The following PALLD variants were observed in gnomAD, a reference collection of about 807,000 sequenced individuals.
PALLD encodes the protein palladin, cytoskeletal associated protein.
In PALLD, 61 loss-of-function variants were observed where a neutral mutation model predicts 123.5. The ratio of observed to expected loss-of-function variants is 0.49; its 90% CI spans 0.40 to 0.61. The LOEUF (loss-of-function observed/expected upper bound fraction) is 0.61, where lower values mean the gene tolerates loss of function less well. PALLD is among the 20% of genes least tolerant of loss of function. The pLI is 0.00. For synonymous variants in PALLD, 465 were observed against 496.4 expected (o/e 0.94, Z 0.84); for missense variants, 1,273 against 1,377.0 (o/e 0.92, Z 1.20).
intron 10 of PALLD, among the ~76,000 whole-genome samples, chr4:168,858,771 G>T (rs1179214092): frequency 6.8e-6 from 1 of 148,004 alleles, no homozygotes; most frequent in Non-Finnish European, 1.5e-5. Context: ...AACAGAATGA[G>T]ACCCAGTCTC....
rs529400789 is a variant in PALLD, at chr4:168,690,982, T to A, written c.1477+238T>A. ...TGCATATATACATTTGTACTCAAAT[T>A]TGCATGAATAATTTTAGGAGGTTTA... On this transcript the variant is annotated intron_variant, in intron 7 of 21. Transcript: ENST00000505667. Among the ~76,000 whole-genome samples the A allele has an allele frequency of 3.9e-5, 6 of 152,300 alleles. No individual in the cohort carries two copies. The East Asian group carries it at 7.7e-4, about 20-fold the overall frequency.
rs1259871037 is a variant in PALLD, at chr4:168,926,196, A to G, written c.*33-17A>G. 1 of 1,499,628 alleles carries G rather than the reference A, an allele frequency of 6.7e-7. No individual in the cohort carries two copies. The allele number at this position is 1,499,628 out of a possible 1,614,324, so 92.9% of individuals were successfully genotyped here. A position where few individuals can be genotyped will look rare whatever the true frequency, so the allele number is the denominator to read the frequency against. ...ATATCTTGATTAAAAATCTTAATTT[A>G]CTCTTTTTCTTTGTAGCCCAGTGGC... On this transcript the variant is annotated splice_polypyrimidine_tract_variant and intron_variant, in intron 21 of 21. Transcript: ENST00000505667.
At chr4:168,713,603 C>T (rs981017610) in intron 10 of PALLD, among the ~76,000 whole-genome samples, 2 of 152,168 alleles carry the variant, frequency 1.3e-5, no homozygotes, top group African/African-American at 4.8e-5. Context: ...TTTAGCTCTG[C>T]TTTGCAGCCA....
chr4:168,668,795 C>G (rs1431018252), intron 3 of PALLD, among the ~76,000 whole-genome samples: 1 of 152,074 alleles, frequency 6.6e-6, no homozygotes, highest in Non-Finnish European at 1.5e-5. Context: ...AGAATTTTGT[C>G]TCTTTTGTTA....
At chr4:168,556,242 C>T (rs1284447581) in intron 2 of PALLD, among the ~76,000 whole-genome samples, 1 of 151,998 alleles carries the variant, frequency 6.6e-6, no homozygotes, top group Non-Finnish European at 1.5e-5. Context: ...ACTACAGGTG[C>T]CCACCACCAC....
chr4:168,660,115 A>G (rs1778985541), intron 2 of PALLD, among the ~76,000 whole-genome samples: 1 of 152,230 alleles, frequency 6.6e-6, no homozygotes, highest in Admixed American at 6.5e-5. Context: ...CAGCTCCAGT[A>G]TACAGTTCAG....
At chr4:168,798,338 G>A (rs934473841) in intron 10 of PALLD, among the ~76,000 whole-genome samples, 12 of 152,032 alleles carry the variant, frequency 7.9e-5, no homozygotes, top group African/African-American at 2.9e-4. Flanking sequence ...AAAATAAAGG[G>A]TTTTTTGTTT....
At chr4:168,552,789 C>T (rs577054635) in intron 2 of PALLD, among the ~76,000 whole-genome samples, 2 of 152,202 alleles carry the variant, frequency 1.3e-5, no homozygotes, top group East Asian at 1.9e-4. Context: ...GATTGTCCTG[C>T]CTCAGCCTCC....
chr4:168,603,869 C>T (rs926090554), intron 2 of PALLD, among the ~76,000 whole-genome samples: 7 of 152,160 alleles, frequency 4.6e-5, no homozygotes, highest in African/African-American at 1.4e-4. Context: ...TAAAAAATTG[C>T]AGACATCTCA....
intron 10 of PALLD, among the ~76,000 whole-genome samples, chr4:168,820,947 AGG>A (rs1742628998): frequency 6.6e-6 from 1 of 152,196 alleles, no homozygotes; most frequent in Admixed American, 6.5e-5. Context: ...TTATTAAGTG[AGG>A]ATCGCAATAA....
chr4:168,924,855 G>T, intron 19 of PALLD, 90 bp from the exon 20 acceptor site: 2 of 1,309,696 alleles, frequency 1.5e-6, no homozygotes, highest in Non-Finnish European at 2.2e-6. Flanking sequence ...GCACAATTCT[G>T]TTTCTAATGA....
chr4:168,684,593 G>T (rs1053937358), intron 5 of PALLD, among the ~76,000 whole-genome samples: 4 of 152,098 alleles, frequency 2.6e-5, no homozygotes, highest in African/African-American at 9.7e-5. Flanking sequence ...ATGACACTTG[G>T]AACAGTCCCT....
intron 1 of PALLD, chr4:168,505,961 A>C (rs964080326): frequency 6.6e-6 from 1 of 152,232 alleles, no homozygotes; most frequent in Non-Finnish European, 1.5e-5. Flanking sequence ...TCAAAAAAAC[A>C]AAGACAATCT....
At chr4:168,544,588 T>G (rs747175569) in intron 2 of PALLD, among the ~76,000 whole-genome samples, 1 of 152,380 alleles carries the variant, frequency 6.6e-6, no homozygotes, top group South Asian at 2.1e-4. Flanking sequence ...ATTATATGAC[T>G]TTTAAAAATC....
chr4:168,890,330 A>G (rs1309103777), intron 10 of PALLD, among the ~76,000 whole-genome samples: 2 of 152,202 alleles, frequency 1.3e-5, no homozygotes, highest in Non-Finnish European at 2.9e-5. Flanking sequence ...GCCCTCTTGT[A>G]TAAAATAGAC....
chr4:168,631,522 A>G, intron 2 of PALLD: 1 of 726,360 alleles, frequency 1.4e-6, no homozygotes, highest in Non-Finnish European at 1.7e-6. Context: ...GGAGTTTAGC[A>G]GCATTCCTCC....
chr4:168,786,349 AT>A (rs894900809), intron 10 of PALLD, among the ~76,000 whole-genome samples: 13 of 151,998 alleles, frequency 8.6e-5, no homozygotes, highest in African/African-American at 3.1e-4. Flanking sequence ...GAAGTATACT[AT>A]TTTCATAGAA....
intron 2 of PALLD, among the ~76,000 whole-genome samples, chr4:168,638,195 G>A (rs1404212145): frequency 6.6e-6 from 1 of 152,078 alleles, no homozygotes; most frequent in African/African-American, 2.4e-5. Flanking sequence ...AAAATATTAT[G>A]AAGTAGATAT....
intron 14 of PALLD, among the ~76,000 whole-genome samples, 192 bp downstream of exon 14, chr4:168,898,906 G>T (rs1755846777): frequency 6.6e-6 from 1 of 152,222 alleles, no homozygotes; most frequent in Non-Finnish European, 1.5e-5. Context: ...GTGGTGGGGG[G>T]AGTGGAGTTT....
Sources: allele counts gnomAD v4.1 joint callset (sites outside exome capture counted in the v4.1 genomes callset), GRCh38; gene constraint gnomAD v4.1.1; transcripts MANE v1.5; gene names NCBI Gene and HGNC (gene_info 2026-07-23, HGNC 2026-07-21).